Variants in RPS6KA6 observed in about 807,000 individuals in gnomAD.
The protein encoded by RPS6KA6 is ribosomal protein S6 kinase A6, also known as ribosomal protein S6 kinase alpha-6.
In RPS6KA6, 27 loss-of-function variants were observed where a neutral mutation model predicts 65.4. The observed-to-expected ratio is 0.41, with a 90% CI of 0.30 to 0.57. The LOEUF is 0.57. Ranked by LOEUF, RPS6KA6 falls within the 20% of genes least tolerant of loss-of-function variation. RPS6KA6 has a pLI of 0.24. For synonymous variants in RPS6KA6, 190 were observed against 184.2 expected, an observed-to-expected ratio of 1.03 and a Z score of -0.26; for missense variants, 486 against 555.6, an observed-to-expected ratio of 0.87 and a Z score of 1.26.
At chrX:84,123,147 T>A (rs1300466767) in intron 8 of RPS6KA6, among the ~76,000 whole-genome samples, 1 of 111,365 alleles carries the variant, frequency 9.0e-6, no homozygotes, top group Non-Finnish European at 1.9e-5. Flanking sequence ...CAGGATTCAT[T>A]GCCTGCTGAT....
At chrX:84,174,653 T>C (rs781112827) in intron 1 of RPS6KA6, among the ~76,000 whole-genome samples, 1 of 112,106 alleles carries the variant, frequency 8.9e-6, no homozygotes, top group Admixed American at 9.5e-5. Flanking sequence ...TGCTTTTGAA[T>C]GTCAACTCAT....
intron 12 of RPS6KA6, among the ~76,000 whole-genome samples, chrX:84,112,393 ACT>A (rs1032765116): frequency 3.6e-5 from 4 of 111,754 alleles, no homozygotes; most frequent in Non-Finnish European, 5.7e-5. Flanking sequence ...CCCATGTAAC[ACT>A]CTCCAAAACT....
At position 84,063,676 on chromosome X, in the gene RPS6KA6, A is replaced by T. The variant is rs1181201717; in HGVS notation, c.*601T>A. ...ATCTGAGATATAATTCTTCTATAAA[A>T]ACTTTGGCACCAACTATATCAAGAA... On this transcript the variant is annotated 3_prime_UTR_variant, in exon 22 of 22. Coordinates refer to ENST00000262752, the MANE Select transcript of RPS6KA6 (RefSeq NM_014496.5). 1 of 112,107 alleles carries T rather than the reference A, an allele frequency of 8.9e-6. No individual in the cohort carries two copies. The highest frequency in any genetic ancestry group is 1.9e-5 in the Non-Finnish European group (1 of 53,188). 9.2% of individuals were successfully genotyped at this position (112,107 alleles called of 1,213,427 possible).
chrX:84,135,185 T>G lies in RPS6KA6; in HGVS notation c.527A>C (p.Lys176Thr). The G allele has an allele frequency of 8.4e-7, 1 of 1,196,291 alleles. No individual in the cohort carries two copies. The highest frequency in any genetic ancestry group is 1.1e-6 in the Non-Finnish European group (1 of 882,963). ...AAGGGCCAGTTCTGCGAGGTAGAAT[T>G]TCACATCTTCCTCTGTAAACAGAAC... ...KEVLFTEEDV[K>T]FYLAELALAL... Residue 176 changes from lysine (K) to threonine (T), a missense_variant, in exon 7 of 22, where the codon AAA (lysine) becomes ACA (threonine). By Grantham distance (78) the Lys-to-Thr change is moderately conservative. Around this residue, in one of 3 missense-constraint regions of RPS6KA6, gnomAD observed 35 missense variants for 75.5 expected, o/e 0.46. Coordinates refer to ENST00000262752, the MANE Select transcript of RPS6KA6 (RefSeq NM_014496.5).
chrX:84,187,814 C>A lies in RPS6KA6; in HGVS notation c.81+5G>T. 1 of 1,200,605 alleles carries A rather than the reference C, an allele frequency of 8.3e-7. No homozygotes were observed. ...GCTCCAGCCCGTCTTGGCCACCACA[C>A]TAACCTCGCCGCTGCTCGCGCCGCC... On this transcript the variant is annotated splice_donor_5th_base_variant and intron_variant, in intron 1 of 21. Coordinates refer to ENST00000262752, the MANE Select transcript of RPS6KA6 (RefSeq NM_014496.5).
intron 1 of RPS6KA6, among the ~76,000 whole-genome samples, chrX:84,172,972 T>C (rs926341741): frequency 9.1e-6 from 1 of 110,455 alleles, no homozygotes; most frequent in African/African-American, 3.3e-5. Context: ...AAGGGGAGAA[T>C]GGAAAGCTTT....
chrX:84,180,564 T>C (rs1417160943), intron 1 of RPS6KA6, among the ~76,000 whole-genome samples: 1 of 111,947 alleles, frequency 8.9e-6, no homozygotes, highest in Non-Finnish European at 1.9e-5. Flanking sequence ...AATAGAGTAA[T>C]TCCTTATTTT....
At chrX:84,081,168 T>C (rs1352938284) in intron 20 of RPS6KA6, among the ~76,000 whole-genome samples, 1 of 111,400 alleles carries the variant, frequency 9.0e-6, no homozygotes, top group Non-Finnish European at 1.9e-5. Flanking sequence ...CTTCAAAAAA[T>C]CAATGAATCC....
intron 11 of RPS6KA6, 66 bp from the exon 12 acceptor site, chrX:84,116,353 A>G (rs1237107594): frequency 5.4e-6 from 3 of 558,989 alleles, no homozygotes; most frequent in Non-Finnish European, 8.3e-6. Context: ...TGGCTTCCAG[A>G]CTGCTATCTG....
chrX:84,183,813 C>CA lies in RPS6KA6; in HGVS notation c.81+4005_81+4006insT, dbSNP rs2035892018. Among the ~76,000 whole-genome samples, 5 of 110,505 alleles carry CA rather than the reference C, an allele frequency of 4.5e-5. No homozygotes were observed. The East Asian group carries it at 1.1e-3, about 25-fold the overall frequency. ...AGATCCATTCCTAAACCACCACCAC[C>CA]CCCACCACCACCACCACCACCCCAT... is the stretch of plus-strand genomic sequence containing the variant. On this transcript the variant is annotated intron_variant, in intron 1 of 21. Transcript: ENST00000262752.
chrX:84,111,664 G>T (rs1416005109), intron 12 of RPS6KA6, among the ~76,000 whole-genome samples: 1 of 111,318 alleles, frequency 9.0e-6, no homozygotes, highest in Non-Finnish European at 1.9e-5. Context: ...CATTAAACAG[G>T]CCCCATAAAA....
intron 4 of RPS6KA6, 58 bp downstream of exon 4, chrX:84,147,984 A>G (rs2035229226): frequency 2.8e-6 from 2 of 709,584 alleles, no homozygotes; most frequent in Admixed American, 3.0e-5. Context: ...AATACACAGC[A>G]TATTTCTTAA....
intron 1 of RPS6KA6, among the ~76,000 whole-genome samples, chrX:84,168,469 T>C (rs1481352541): frequency 1.8e-5 from 2 of 111,580 alleles, no homozygotes; most frequent in African/African-American, 6.5e-5. Flanking sequence ...GATAACACCA[T>C]CTACCACCTT....
intron 4 of RPS6KA6, 94 bp from the exon 5 acceptor site, chrX:84,147,152 C>T (rs1156666166): frequency 5.8e-6 from 3 of 518,061 alleles, no homozygotes; most frequent in African/African-American, 2.4e-5. Flanking sequence ...TATAAAAATA[C>T]AAAACGTAAC....
intron 15 of RPS6KA6, among the ~76,000 whole-genome samples, chrX:84,106,128 TTAACA>T (rs1320124290): frequency 4.5e-5 from 5 of 111,921 alleles, no homozygotes; most frequent in African/African-American, 9.7e-5. Flanking sequence ...CTGCTCAATC[TTAACA>T]TAATACATGT....
At position 84,106,660 on chromosome X, in the gene RPS6KA6, C is replaced by G. The variant is rs181700759; in HGVS notation, c.1243-173G>C. ...CCAATCCTTTCTTGATACCCACAGG[C>G]AACATAATAAAGCAACTAGCTTATA... On this transcript the variant is annotated intron_variant, in intron 14 of 21. Transcript: ENST00000262752. Among the ~76,000 whole-genome samples, 626 of 111,172 alleles carry G rather than the reference C, an allele frequency of 5.6e-3. 5 individuals are homozygous for G. Among genetic ancestry groups the G allele is most frequent in the Non-Finnish European group, 3.9e-3 (206 of 52,860 alleles).
intron 6 of RPS6KA6, among the ~76,000 whole-genome samples, chrX:84,138,456 GGCATGAGGATTGCCTGA>G (rs748714587): frequency 1.8e-5 from 2 of 111,031 alleles, no homozygotes; most frequent in South Asian, 7.7e-4. Context: ...GGGAGGCGGA[GGCATGAGGATTGCCTGA>G]GCATGGGAGG....
intron 1 of RPS6KA6, 119 bp downstream of exon 1, chrX:84,187,700 G>A: frequency 4.5e-6 from 3 of 665,312 alleles, no homozygotes; most frequent in Non-Finnish European, 6.7e-6. Flanking sequence ...CAGCATCAAG[G>A]GGGCTTGCCC....
chrX:84,097,417 T>TA (rs74947530), intron 19 of RPS6KA6, among the ~76,000 whole-genome samples: 13,289 of 110,257 alleles, frequency 0.12, 591 homozygotes, highest in Middle Eastern at 0.26. Context: ...TTCAAGTGCT[T>TA]AAAAAAAATC....
Sources: gnomAD v4.1 joint callset for allele counts (sites outside exome capture counted in the v4.1 genomes callset) on GRCh38, gnomAD v4.1.1 for gene constraint, gnomAD v4.1.1 regional missense constraint, MANE v1.5 for transcripts, NCBI Gene and HGNC (gene_info 2026-07-23, HGNC 2026-07-21) for gene names.